LRCH1: variants seen among roughly 807,000 people sequenced by gnomAD.
LRCH1 encodes leucine-rich repeat and calponin homology domain-containing protein 1.
In LRCH1, 23 loss-of-function variants were observed where a neutral mutation model predicts 94.9. The observed-to-expected ratio is 0.24, with a 90% confidence interval of 0.17 to 0.34. The LOEUF (loss-of-function observed/expected upper bound fraction) is 0.34, where lower values mean the gene tolerates loss of function less well. Ranked by LOEUF, LRCH1 falls within the 10% of genes least tolerant of loss-of-function variation. LRCH1 has a pLI of 1.00. For synonymous variants in LRCH1, 364 were observed against 354.9 expected (o/e 1.03, Z -0.29); for missense variants, 790 against 945.9 (o/e 0.84, Z 2.16).
At chr13:46,736,041 C>T (rs1199438493) in intron 19 of LRCH1, among the ~76,000 whole-genome samples, 3 of 151,818 alleles carry the variant, frequency 2.0e-5, no homozygotes, top group African/African-American at 7.3e-5. Flanking sequence ...AGGTGATCCG[C>T]CTGCCTCAGC....
chr13:46,666,806 G>T (rs758531559), intron 2 of LRCH1, among the ~76,000 whole-genome samples: 17 of 152,090 alleles, frequency 1.1e-4, no homozygotes, highest in Non-Finnish European at 2.5e-4. Flanking sequence ...CTTGAAAAAA[G>T]CCCTCACAGC....
rs1412188617 is a variant in LRCH1, at chr13:46,652,064, T to G, written c.452+1719T>G. Among the ~76,000 whole-genome samples the G allele has an allele frequency of 4.5e-5, 6 of 134,788 alleles. 1 individual carries two copies. The highest frequency in any genetic ancestry group is 8.2e-5 in the Non-Finnish European group (5 of 61,124). 88.4% of individuals were successfully genotyped at this position (134,788 alleles called of 152,430 possible). ...CACCAGGCCTGCTGATGTTTTTTTTTTTTTTTTTTTTGTTTTGTTTTGTTT... is the reference window on the plus strand; with the variant it reads ...CACCAGGCCTGCTGATGTTTTTTTTGTTTTTTTTTTTGTTTTGTTTTGTTT... On this transcript the variant is annotated intron_variant, in intron 2 of 19. Transcript: ENST00000389797.
chr13:46,621,511 T>A (rs925703898), intron 1 of LRCH1, among the ~76,000 whole-genome samples: 1 of 152,138 alleles, frequency 6.6e-6, no homozygotes, highest in Non-Finnish European at 1.5e-5. Context: ...TGTATCTTAA[T>A]GGGTTAATTG....
intron 1 of LRCH1, among the ~76,000 whole-genome samples, chr13:46,634,783 T>C (rs1463762766): frequency 6.6e-6 from 1 of 152,110 alleles, no homozygotes; most frequent in African/African-American, 2.4e-5. Flanking sequence ...GCATGGTGTG[T>C]CTCATTGATA....
At chr13:46,673,199 C>T (rs2051624113) in intron 3 of LRCH1, among the ~76,000 whole-genome samples, 2 of 152,124 alleles carry the variant, frequency 1.3e-5, no homozygotes, top group Admixed American at 1.3e-4. Flanking sequence ...ACAGGTTGGA[C>T]TGGCCACATT....
At chr13:46,596,734 C>G (rs995570153) in intron 1 of LRCH1, among the ~76,000 whole-genome samples, 2 of 152,190 alleles carry the variant, frequency 1.3e-5, no homozygotes, top group Non-Finnish European at 2.9e-5. Context: ...GAACAGCTTG[C>G]GATTGGATCA....
At chr13:46,730,810 C>G (rs1873063746) in intron 18 of LRCH1, among the ~76,000 whole-genome samples, 1 of 152,156 alleles carries the variant, frequency 6.6e-6, no homozygotes, top group African/African-American at 2.4e-5. Context: ...ATGAGAGAGA[C>G]ACAACAGACA....
intron 1 of LRCH1, among the ~76,000 whole-genome samples, chr13:46,568,601 G>A (rs2137914542): frequency 6.6e-6 from 1 of 152,288 alleles, no homozygotes; most frequent in East Asian, 1.9e-4. Flanking sequence ...GTAAAATACA[G>A]CATTAATTTA....
At chr13:46,642,703 T>C (rs1484795674) in intron 1 of LRCH1, among the ~76,000 whole-genome samples, 1 of 152,228 alleles carries the variant, frequency 6.6e-6, no homozygotes, top group Non-Finnish European at 1.5e-5. Context: ...TAGCCTGGTA[T>C]CCAAATCGGA....
chr13:46,609,477 T>G (rs1229999567), intron 1 of LRCH1, among the ~76,000 whole-genome samples: 5 of 152,202 alleles, frequency 3.3e-5, no homozygotes, highest in African/African-American at 1.2e-4. Flanking sequence ...AATTGTCTGT[T>G]TTTATAAACA....
At chr13:46,705,328 A>G in intron 13 of LRCH1, 24 bp downstream of exon 13, 1 of 1,608,760 alleles carries the variant, frequency 6.2e-7, no homozygotes, top group South Asian at 1.1e-5. Flanking sequence ...TAGATTCACC[A>G]GAACTCTGTG....
chr13:46,672,337 C>CTT (rs146998629), intron 3 of LRCH1, among the ~76,000 whole-genome samples: 8 of 147,796 alleles, frequency 5.4e-5, no homozygotes, highest in South Asian at 2.2e-4. Flanking sequence ...TGACAAGTTG[C>CTT]TTTTTTTTTT....
chr13:46,601,192 C>T (rs151171107), intron 1 of LRCH1, among the ~76,000 whole-genome samples: 1 of 152,302 alleles, frequency 6.6e-6, no homozygotes, highest in Non-Finnish European at 1.5e-5. Context: ...TTTTATTCCT[C>T]AGAGCCCGCA....
chr13:46,655,055 C>G (rs1196726840), intron 2 of LRCH1, among the ~76,000 whole-genome samples: 1 of 152,124 alleles, frequency 6.6e-6, no homozygotes, highest in East Asian at 1.9e-4. Context: ...GGGAAACATT[C>G]AAAACTGATT....
chr13:46,641,327 T>G (rs2051155882), intron 1 of LRCH1, among the ~76,000 whole-genome samples: 1 of 152,144 alleles, frequency 6.6e-6, no homozygotes, highest in African/African-American at 2.4e-5. Flanking sequence ...AGGACTATCT[T>G]CACCAAGGCA....
intron 1 of LRCH1, among the ~76,000 whole-genome samples, chr13:46,565,833 T>C (rs984331246): frequency 5.4e-5 from 8 of 148,010 alleles, no homozygotes; most frequent in African/African-American, 2.0e-4. Flanking sequence ...ATAATAATAA[T>C]AATAATAATA....
chr13:46,633,102 CTT>C (rs1315183963), intron 1 of LRCH1, among the ~76,000 whole-genome samples: 1 of 152,172 alleles, frequency 6.6e-6, no homozygotes, highest in Non-Finnish European at 1.5e-5. Context: ...CAAAAAATGT[CTT>C]TCTTATCAGT....
chr13:46,738,005 T>G (rs545935909), intron 19 of LRCH1, among the ~76,000 whole-genome samples: 49 of 152,244 alleles, frequency 3.2e-4, no homozygotes, highest in Admixed American at 8.5e-4. Context: ...CTCAAACTTC[T>G]GTAAGGCATG....
intron 1 of LRCH1, among the ~76,000 whole-genome samples, chr13:46,576,619 A>C (rs1174860337): frequency 2.0e-5 from 3 of 152,240 alleles, no homozygotes; most frequent in Non-Finnish European, 4.4e-5. Flanking sequence ...CTTTCCTTTC[A>C]ATGTTCTCAA....
Sources: allele counts gnomAD v4.1 joint callset (sites outside exome capture counted in the v4.1 genomes callset), GRCh38; gene constraint gnomAD v4.1.1; transcripts MANE v1.5; gene names NCBI Gene and HGNC (gene_info 2026-07-23, HGNC 2026-07-21).